The following SRSF9 variants were observed in gnomAD, a reference collection of about 807,000 sequenced individuals.
SRSF9 encodes the protein serine and arginine rich splicing factor 9, also known as serine/arginine-rich splicing factor 9.
A neutral mutation model predicts 25.9 loss-of-function variants in SRSF9; 3 were observed. The ratio of observed to expected loss-of-function variants is 0.12; its 90% CI spans 0.05 to 0.30. SRSF9 has a LOEUF of 0.30. SRSF9 is among the 10% of genes least tolerant of loss of function. The pLI is 1.00. For synonymous variants in SRSF9, 114 were observed against 113.2 expected, an observed-to-expected ratio of 1.01 and a Z score of -0.05; for missense variants, 161 against 303.5, an observed-to-expected ratio of 0.53 and a Z score of 3.49.
At chr12:120,464,313 G>C in intron 2 of SRSF9, 191 bp from the exon 3 acceptor site, 1 of 559,350 alleles carries the variant, frequency 1.8e-6, no homozygotes, top group Non-Finnish European at 2.9e-6. Context: ...ACCACCTTGA[G>C]AAGCTGGTTT....
At chr12:120,462,753 A>T (rs570172418) in intron 3 of SRSF9, 2 of 152,248 alleles carry the variant, frequency 1.3e-5, no homozygotes, top group Non-Finnish European at 2.9e-5. Context: ...CAGAGGAGTC[A>T]TGTCCAGGCT....
chr12:120,463,796 A>T, intron 3 of SRSF9, 154 bp downstream of exon 3: 1 of 809,622 alleles, frequency 1.2e-6, no homozygotes, highest in Non-Finnish European at 1.9e-6. Context: ...TGAAGGACTT[A>T]GGCATAGCAA....
At chr12:120,468,716 G>C (rs989897232) in intron 1 of SRSF9, among the ~76,000 whole-genome samples, 2 of 152,346 alleles carry the variant, frequency 1.3e-5, no homozygotes, top group Middle Eastern at 6.8e-3. Context: ...TTTCCGGCCT[G>C]AGGGCCGACG....
chr12:120,464,424 T>A, intron 2 of SRSF9: 1 of 238,212 alleles, frequency 4.2e-6, no homozygotes, highest in African/African-American at 2.2e-5. Context: ...TTCTTTGTCC[T>A]TTAAAATCAA....
chr12:120,461,917 A>C lies in SRSF9; in HGVS notation c.*102T>G, dbSNP rs1255926630. 2.4e-6 allele frequency: 3 copies of C among 1,253,690 alleles called. No homozygotes were observed. Among genetic ancestry groups the C allele is most frequent in the Non-Finnish European group, 3.1e-6 (3 of 961,990 alleles). The allele number at this position is 1,253,690 out of a possible 1,614,324, so 77.7% of individuals were successfully genotyped here. Reference sequence around the variant, plus strand: ...TCTTCTTTAAAAAAAAAAAATTAAAAAAATTTCCTAAGACACTAAATCCTC... The same window carrying C: ...TCTTCTTTAAAAAAAAAAAATTAAACAAATTTCCTAAGACACTAAATCCTC... On this transcript the variant is annotated 3_prime_UTR_variant, in exon 4 of 4. Transcript: ENST00000229390.
intron 3 of SRSF9, 178 bp from the exon 4 acceptor site, chr12:120,462,340 C>A (rs1031156844): frequency 7.4e-6 from 4 of 543,774 alleles, no homozygotes; most frequent in Non-Finnish European, 9.0e-6. Flanking sequence ...CTCTTACTAT[C>A]CCATTTCAAG....
intron 1 of SRSF9, among the ~76,000 whole-genome samples, chr12:120,468,168 C>A (rs1878531559): frequency 6.7e-6 from 1 of 150,318 alleles, no homozygotes; most frequent in Admixed American, 6.6e-5. Context: ...GCGGGTTGCT[C>A]ACGCCTGTAA....
chr12:120,469,436 G>C lies in SRSF9; in HGVS notation c.174C>G (p.Arg58=), dbSNP rs1009821127. Reference sequence around the variant, plus strand: ...GGGGGCCTCACCGGGGGTCCTCGAAGCGCACGAAGGCGAAGGGCACGAGGC... The same window carrying C: ...GGGGGCCTCACCGGGGGTCCTCGAACCGCACGAAGGCGAAGGGCACGAGGC... ...RHGLVPFAFV[R]FEDPRDAEDA... The change falls in exon 1 of 4, where the codon CGC becomes CGG. Residue 58 remains arginine, a synonymous_variant. Transcript: ENST00000229390. The C allele has an allele frequency of 3.8e-6, 6 of 1,584,960 alleles. No individual in the cohort carries two copies. In the African/African-American group the frequency reaches 8.3e-5, roughly 22 times the overall value.
At chr12:120,469,338 AGGGGAG>A in intron 1 of SRSF9, 78 bp downstream of exon 1, 6 of 806,776 alleles carry the variant, frequency 7.4e-6, no homozygotes, top group Non-Finnish European at 8.5e-6. Flanking sequence ...GGCCGGGGGG[AGGGGAG>A]CCCTGGGGGA....
At chr12:120,464,263 T>C in intron 2 of SRSF9, 141 bp from the exon 3 acceptor site, 1 of 972,848 alleles carries the variant, frequency 1.0e-6, no homozygotes, top group Non-Finnish European at 1.5e-6. Context: ...ATAAGGGACA[T>C]GAAATCAGAA....
chr12:120,465,789 TA>T lies in SRSF9; in HGVS notation c.189-3del, dbSNP rs201316560. ...CCATAAATAGCATCCTCTGCATCTC[TA>T]AAAAAAACAACAACAACAAAAAAAA... On this transcript the variant is annotated splice_polypyrimidine_tract_variant and splice_region_variant and intron_variant, in intron 1 of 3. Coordinates refer to ENST00000229390, the MANE Select transcript of SRSF9 (RefSeq NM_003769.3). 1.7e-5 allele frequency: 26 copies of T among 1,563,680 alleles called. No individual in the cohort carries two copies. The highest frequency in any genetic ancestry group is 1.1e-4 in the Admixed American group (5 of 45,808).
chr12:120,464,981 T>G (rs1166163054), intron 2 of SRSF9: 5 of 152,194 alleles, frequency 3.3e-5, no homozygotes, highest in Non-Finnish European at 7.3e-5. Flanking sequence ...GCTGTGATTG[T>G]GTGACATTCA....
chr12:120,465,880 C>T (rs1034401460), intron 1 of SRSF9, 93 bp from the exon 2 acceptor site: 11 of 1,243,634 alleles, frequency 8.8e-6, no homozygotes, highest in Non-Finnish European at 1.2e-5. Flanking sequence ...GAGTAGTAAG[C>T]ATAAAAGGGA....
rs745603265 is a variant in SRSF9, at chr12:120,462,170, G to A, written c.523-8C>T. ...GATGTAGGAAGTTTCACCCTGAAATGCAAACAAAAACAAAAAGAGTAAAGG... is the reference window on the plus strand; with the variant it reads ...GATGTAGGAAGTTTCACCCTGAAATACAAACAAAAACAAAAAGAGTAAAGG... On this transcript the variant is annotated splice_polypyrimidine_tract_variant and splice_region_variant and intron_variant, in intron 3 of 3. Coordinates refer to ENST00000229390, the MANE Select transcript of SRSF9 (RefSeq NM_003769.3). The A allele has an allele frequency of 1.2e-4, 194 of 1,602,750 alleles. No homozygotes were observed. Among genetic ancestry groups the A allele is most frequent in the Non-Finnish European group, 1.0e-5 (12 of 1,175,190 alleles).
intron 2 of SRSF9, 71 bp downstream of exon 2, chr12:120,465,556 A>G (rs188927207): frequency 6.7e-7 from 1 of 1,481,660 alleles, no homozygotes; most frequent in East Asian, 2.6e-5. Context: ...AACAGCTATC[A>G]TTTCTTGGAA....
Position 120,461,894 on chromosome 12 carries a change from T to A in SRSF9, c.*125A>T. The A allele has an allele frequency of 9.6e-7, 1 of 1,040,272 alleles. No individual in the cohort carries two copies. Among genetic ancestry groups the A allele is most frequent in the Non-Finnish European group, 1.3e-6 (1 of 776,602 alleles). The allele number at this position is 1,040,272 out of a possible 1,614,324, so 64.4% of individuals were successfully genotyped here. A position where few individuals can be genotyped will look rare whatever the true frequency, so the allele number is the denominator to read the frequency against. Reference sequence around the variant, plus strand: ...GGTAGAAATTATGTAGTTTTTTTTCTTCTTTAAAAAAAAAAAATTAAAAAA... The same window carrying A: ...GGTAGAAATTATGTAGTTTTTTTTCATCTTTAAAAAAAAAAAATTAAAAAA... On this transcript the variant is annotated 3_prime_UTR_variant, in exon 4 of 4. Transcript: ENST00000229390.
chr12:120,466,704 T>G (rs757436156), intron 1 of SRSF9, among the ~76,000 whole-genome samples: 10 of 152,048 alleles, frequency 6.6e-5, no homozygotes, highest in Non-Finnish European at 1.3e-4. Context: ...ACCCAGCTAA[T>G]TTTTGGATTT....
Position 120,461,878 on chromosome 12 carries a change from T to C in SRSF9, c.*141A>G. On this transcript the variant is annotated 3_prime_UTR_variant, in exon 4 of 4. Transcript: ENST00000229390. ...CTGCTAATATGGCCCTGGTAGAAAT[T>C]ATGTAGTTTTTTTTCTTCTTTAAAA... 25 of 890,542 alleles carry C rather than the reference T, an allele frequency of 2.8e-5. No homozygotes were observed. The highest frequency in any genetic ancestry group is 3.4e-5 in the Non-Finnish European group (22 of 640,996). 55.2% of individuals were successfully genotyped at this position (890,542 alleles called of 1,614,324 possible). A position where few individuals can be genotyped will look rare whatever the true frequency, so the allele number is the denominator to read the frequency against.
At chr12:120,468,290 G>A (rs180777098) in intron 1 of SRSF9, among the ~76,000 whole-genome samples, 3 of 151,944 alleles carry the variant, frequency 2.0e-5, no homozygotes, top group African/African-American at 4.8e-5. Flanking sequence ...AAATAAGAAG[G>A]AAAGAAAAAA....
Sources: allele counts gnomAD v4.1 joint callset (sites outside exome capture counted in the v4.1 genomes callset), GRCh38; gene constraint gnomAD v4.1.1; transcripts MANE v1.5; gene names NCBI Gene and HGNC (gene_info 2026-07-23, HGNC 2026-07-21).